The following KATNAL1 variants were observed in gnomAD, a reference collection of about 807,000 sequenced individuals.
KATNAL1 encodes katanin p60 ATPase-containing subunit A-like 1.
In KATNAL1, 32 loss-of-function variants were observed where a neutral mutation model predicts 55.2. The ratio of observed to expected loss-of-function variants is 0.58; its 90% CI spans 0.44 to 0.78. The LOEUF is 0.78. Among genes scored for constraint, KATNAL1 ranks in the 30% least tolerant of loss-of-function variants. The pLI, the probability that KATNAL1 is intolerant of heterozygous loss-of-function variation, is 0.00. For missense variants in KATNAL1, 466 were observed against 600.9 expected (o/e 0.78, Z 2.35); for synonymous variants, 193 against 193.6 (o/e 1.00, Z 0.02).
In KATNAL1 at chr13:30,208,350, G is replaced by C; in HGVS notation, c.*190C>G. 1.9e-6 allele frequency: 1 copy of C among 534,816 alleles called. No homozygotes were observed. The highest frequency in any genetic ancestry group is 3.3e-6 in the Non-Finnish European group (1 of 306,926). 33.1% of individuals were successfully genotyped at this position (534,816 alleles called of 1,614,324 possible). On this transcript the variant is annotated 3_prime_UTR_variant, in exon 11 of 11. Transcript: ENST00000380615. ...GAATACCAGCACAAAGCCGGGGAGG[G>C]AGACTAGCAAACTCTCGCCATCAAT...
At chr13:30,257,600 A>G (rs1878900383) in intron 3 of KATNAL1, among the ~76,000 whole-genome samples, 2 of 152,130 alleles carry the variant, frequency 1.3e-5, no homozygotes, top group Non-Finnish European at 2.9e-5. Flanking sequence ...CTTGCGATTC[A>G]ATGGCCGCCT....
chr13:30,264,067 C>G (rs1253899030), intron 3 of KATNAL1, among the ~76,000 whole-genome samples: 1 of 149,722 alleles, frequency 6.7e-6, no homozygotes, highest in African/African-American at 2.5e-5. Context: ...TCAGAAATAA[C>G]GCCGCATATC....
chr13:30,222,695 A>AG (rs1875001312), intron 9 of KATNAL1, among the ~76,000 whole-genome samples: 1 of 152,242 alleles, frequency 6.6e-6, no homozygotes, highest in South Asian at 2.1e-4. Context: ...GAAATTAGCA[A>AG]GGGGGGTACA....
chr13:30,267,270 A>C (rs1204890086), intron 3 of KATNAL1, among the ~76,000 whole-genome samples: 3 of 152,220 alleles, frequency 2.0e-5, no homozygotes, highest in Non-Finnish European at 4.4e-5. Context: ...ATATTTTTTC[A>C]TATTATCAGG....
chr13:30,272,701 G>T (rs942879755), intron 3 of KATNAL1, among the ~76,000 whole-genome samples: 1 of 151,326 alleles, frequency 6.6e-6, no homozygotes, highest in Non-Finnish European at 1.5e-5. Context: ...TACATACCTA[G>T]AACTGGAGAA....
At chr13:30,287,279 AG>A (rs1881851619) in intron 1 of KATNAL1, among the ~76,000 whole-genome samples, 1 of 152,190 alleles carries the variant, frequency 6.6e-6, no homozygotes, top group Admixed American at 6.5e-5. Flanking sequence ...CAAGGGCAGG[AG>A]CACATGGAGG....
chr13:30,277,978 G>A (rs1441535836), intron 3 of KATNAL1, among the ~76,000 whole-genome samples: 2 of 57,620 alleles, frequency 3.5e-5, no homozygotes, highest in Non-Finnish European at 5.9e-5. Flanking sequence ...GCGAGACTCC[G>A]TCTCAAAAAA....
chr13:30,250,963 C>G (rs1212824890), intron 4 of KATNAL1, among the ~76,000 whole-genome samples: 2 of 152,080 alleles, frequency 1.3e-5, no homozygotes, highest in Admixed American at 1.3e-4. Flanking sequence ...ACGGTGAAAC[C>G]CCATCTCTAC....
At chr13:30,285,576 T>A (rs575625176) in intron 1 of KATNAL1, among the ~76,000 whole-genome samples, 31 of 152,290 alleles carry the variant, frequency 2.0e-4, no homozygotes, top group Non-Finnish European at 3.4e-4. Context: ...CTTTATAAAT[T>A]ACCCAGTCTC....
At chr13:30,252,984 T>A (rs9550540) in intron 4 of KATNAL1, among the ~76,000 whole-genome samples, 22,795 of 152,102 alleles carry the variant, frequency 0.15, 2,239 homozygotes, top group East Asian at 0.33. Flanking sequence ...TGGGCTAAAG[T>A]GATTCACCTG....
chr13:30,211,305 G>T (rs1018489435), intron 9 of KATNAL1, among the ~76,000 whole-genome samples: 2 of 152,082 alleles, frequency 1.3e-5, no homozygotes, highest in African/African-American at 4.8e-5. Context: ...ACTCTAGCTG[G>T]CTCGTCATCT....
At chr13:30,274,261 C>T (rs1296784980) in intron 3 of KATNAL1, among the ~76,000 whole-genome samples, 1 of 152,184 alleles carries the variant, frequency 6.6e-6, no homozygotes, top group Non-Finnish European at 1.5e-5. Context: ...AGTTTATTCT[C>T]TATCAGTACT....
intron 7 of KATNAL1, among the ~76,000 whole-genome samples, chr13:30,230,956 T>G (rs1464559212): frequency 6.6e-6 from 1 of 152,174 alleles, no homozygotes; most frequent in Non-Finnish European, 1.5e-5. Flanking sequence ...GGAATAAACT[T>G]TAATGACGGG....
intron 9 of KATNAL1, among the ~76,000 whole-genome samples, chr13:30,226,386 A>T (rs565319268): frequency 6.6e-6 from 1 of 152,242 alleles, no homozygotes; most frequent in Non-Finnish European, 1.5e-5. Flanking sequence ...ACCAATCAAA[A>T]GGAGAATAAA....
chr13:30,213,541 C>G (rs1045523988), intron 9 of KATNAL1, among the ~76,000 whole-genome samples: 2 of 152,094 alleles, frequency 1.3e-5, no homozygotes, highest in African/African-American at 4.8e-5. Context: ...ACTGGCAAAC[C>G]GAATCCAGCA....
At chr13:30,269,227 G>A (rs1217915832) in intron 3 of KATNAL1, among the ~76,000 whole-genome samples, 2 of 152,226 alleles carry the variant, frequency 1.3e-5, no homozygotes, top group African/African-American at 4.8e-5. Flanking sequence ...GATTGCAGGC[G>A]CACGCAGCCA....
intron 2 of KATNAL1, among the ~76,000 whole-genome samples, chr13:30,281,490 T>A (rs1213254582): frequency 6.6e-6 from 1 of 152,184 alleles, no homozygotes; most frequent in African/African-American, 2.4e-5. Context: ...ATACCCTGCC[T>A]GTGGCTAATA....
At chr13:30,224,109 CAAAG>C (rs1025332961) in intron 9 of KATNAL1, among the ~76,000 whole-genome samples, 1 of 151,482 alleles carries the variant, frequency 6.6e-6, no homozygotes, top group African/African-American at 2.4e-5. Flanking sequence ...ACTAAAGGAC[CAAAG>C]AAAGGGGATA....
At chr13:30,293,148 G>A (rs954137592) in intron 1 of KATNAL1, among the ~76,000 whole-genome samples, 9 of 151,140 alleles carry the variant, frequency 6.0e-5, no homozygotes, top group African/African-American at 2.2e-4. Flanking sequence ...TTTTTTTTCT[G>A]CTGTGAAATG....
Sources: allele counts gnomAD v4.1 joint callset (sites outside exome capture counted in the v4.1 genomes callset), GRCh38; gene constraint gnomAD v4.1.1; transcripts MANE v1.5; gene names NCBI Gene and HGNC (gene_info 2026-07-23, HGNC 2026-07-21).